Variants in XPO4 observed in about 807,000 individuals in gnomAD.
XPO4 encodes exportin 4.
In XPO4, 39 loss-of-function variants were observed where a neutral mutation model predicts 143.0. The observed-to-expected ratio is 0.27, with a 90% CI of 0.21 to 0.36. The LOEUF (loss-of-function observed/expected upper bound fraction) is 0.36. Ranked by LOEUF, XPO4 falls within the 10% of genes least tolerant of loss-of-function variation. The pLI is 1.00. For missense variants in XPO4, 907 were observed against 1,348.0 expected (o/e 0.67, Z 5.12); for synonymous variants, 439 against 474.0 (o/e 0.93, Z 0.96).
chr13:20,866,489 G>T, intron 2 of XPO4: 1 of 624,172 alleles, frequency 1.6e-6, no homozygotes, highest in Non-Finnish European at 2.0e-6. Context: ...TCTGAACTGC[G>T]ATTGACTGCC....
Position 20,821,870 on chromosome 13 carries a change from AT to A in XPO4, c.1006del (p.Ile336Ter), listed in dbSNP as rs1194467915. On this transcript the variant is annotated frameshift_variant, in exon 9 of 23. Transcript: ENST00000255305. LOFTEE classifies it high-confidence loss of function. The stretch of plus-strand genomic sequence containing the variant: ...GATCCCCACAGCTTCAGAATCTTCT[AT>A]TTCAATTCTAAAACCAAGGAATGAG... ...GLLNTINGIE[I>X]EDSEAVGISS... 6.2e-7 allele frequency: 1 copy of A among 1,613,016 alleles called. No homozygotes were observed. The highest frequency in any genetic ancestry group is 8.5e-7 in the Non-Finnish European group (1 of 1,179,540).
chr13:20,902,582 C>A, intron 1 of XPO4, 88 bp downstream of exon 1: 2 of 1,406,510 alleles, frequency 1.4e-6, no homozygotes, highest in South Asian at 1.6e-5. Context: ...CCTTGCCAGT[C>A]GCCAGCCCAG....
intron 22 of XPO4, among the ~76,000 whole-genome samples, chr13:20,785,725 C>T (rs1214078286): frequency 1.3e-5 from 2 of 150,352 alleles, no homozygotes; most frequent in Non-Finnish European, 2.9e-5. Context: ...AAGTATCATA[C>T]TGGCCATTCC....
intron 1 of XPO4, among the ~76,000 whole-genome samples, chr13:20,881,690 C>A (rs995776522): frequency 1.3e-5 from 2 of 152,108 alleles, no homozygotes; most frequent in African/African-American, 2.4e-5. Flanking sequence ...GGAGTACACA[C>A]AATCACATAT....
chr13:20,856,751 G>T, intron 3 of XPO4: 1 of 797,422 alleles, frequency 1.3e-6, no homozygotes, highest in Non-Finnish European at 1.5e-6. Flanking sequence ...CCACACACAC[G>T]CACAACTGCA....
chr13:20,855,256 G>C (rs1317366913), intron 4 of XPO4, among the ~76,000 whole-genome samples: 2 of 152,146 alleles, frequency 1.3e-5, no homozygotes, highest in African/African-American at 2.4e-5. Context: ...GGGAGTTTGA[G>C]ACGAGCCTGA....
At chr13:20,837,759 G>T (rs2059932802) in intron 6 of XPO4, among the ~76,000 whole-genome samples, 1 of 152,206 alleles carries the variant, frequency 6.6e-6, no homozygotes, top group African/African-American at 2.4e-5. Flanking sequence ...ATGGCAGCAG[G>T]CAAAGAGAGA....
chr13:20,788,578 T>C lies in XPO4; in HGVS notation c.2955A>G (p.Thr985=), dbSNP rs771323913. The change falls in exon 20 of 23, where the codon ACA becomes ACG. Residue 985 remains threonine (T), a synonymous_variant. Transcript: ENST00000255305. ...TLCNQYYKLI[T]FICEIFPEKI... is the part of the protein sequence containing the mutation. Reference sequence around the variant, plus strand: ...TTTCAGGAAAAATCTCACAGATAAATGTGATTAATTTGTAGTACTGATTAC... The same window carrying C: ...TTTCAGGAAAAATCTCACAGATAAACGTGATTAATTTGTAGTACTGATTAC... 1 of 1,611,984 alleles carries C rather than the reference T, an allele frequency of 6.2e-7. No individual in the cohort carries two copies. The highest frequency in any genetic ancestry group is 1.7e-5 in the Admixed American group (1 of 59,748).
intron 1 of XPO4, among the ~76,000 whole-genome samples, chr13:20,877,620 A>G (rs2060365396): frequency 6.6e-6 from 1 of 152,202 alleles, no homozygotes; most frequent in Non-Finnish European, 1.5e-5. Flanking sequence ...AACCATTCAT[A>G]TACATATATA....
chr13:20,886,421 G>A (rs556674121), intron 1 of XPO4, among the ~76,000 whole-genome samples: 145 of 152,020 alleles, frequency 9.5e-4, no homozygotes, highest in Admixed American at 4.1e-3. Flanking sequence ...AGACCAGCCT[G>A]GCCAATATGG....
At position 20,865,062 on chromosome 13, in the gene XPO4, G is replaced by A. The variant is rs188814604; in HGVS notation, c.176-2204C>T. On this transcript the variant is annotated intron_variant, in intron 2 of 22. Coordinates refer to ENST00000255305, the MANE Select transcript of XPO4 (RefSeq NM_022459.5). ...AAATTAGAACTTCACAAATACATATGAGCTTTACTTTCGCTCTCTGTTACA... is the reference window on the plus strand; with the variant it reads ...AAATTAGAACTTCACAAATACATATAAGCTTTACTTTCGCTCTCTGTTACA... Among the ~76,000 whole-genome samples the A allele has an allele frequency of 3.0e-3, 452 of 152,028 alleles. 2 individuals carry two copies. Among genetic ancestry groups the A allele is most frequent in the South Asian group, 5.2e-3 (25 of 4,812 alleles).
rs540285081 is a variant in XPO4, at chr13:20,899,346, T to TAA, written c.69+3322_69+3323dup. Among the ~76,000 whole-genome samples the TAA allele has an allele frequency of 5.7e-4, 67 of 116,692 alleles. No homozygotes were observed. In the South Asian group the frequency reaches 7.6e-3, roughly 13 times the overall value. 76.6% of individuals were successfully genotyped at this position (116,692 alleles called of 152,430 possible). Reference sequence around the variant, plus strand: ...AACCAACATGGTTGAGTAAAAAAAGTAAAAAAAAAAAAAAAAGAGTAAAGG... The same window carrying TAA: ...AACCAACATGGTTGAGTAAAAAAAGTAAAAAAAAAAAAAAAAAAGAGTAAAGG... On this transcript the variant is annotated intron_variant, in intron 1 of 22. Transcript: ENST00000255305.
rs117854012 is a variant in XPO4 at position 20,802,397 on chromosome 13, G to A, written c.1818-1407C>T. Among the ~76,000 whole-genome samples, 1,176 of 152,170 alleles carry A rather than the reference G, an allele frequency of 7.7e-3. 3 individuals are homozygous for A. The highest frequency in any genetic ancestry group is 0.012 in the Non-Finnish European group (789 of 68,000). ...CACACTTCCTATACCACCAGTGCTC[G>A]TTTGAGTTTTTTAAAAAAATTTTTT... On this transcript the variant is annotated intron_variant, in intron 13 of 22. Transcript: ENST00000255305.
chr13:20,895,923 T>A (rs951887417), intron 1 of XPO4, among the ~76,000 whole-genome samples: 1 of 152,172 alleles, frequency 6.6e-6, no homozygotes. Context: ...GTTTCAATCT[T>A]CACTACAGCA....
Position 20,868,763 on chromosome 13 carries a change from T to C in XPO4, c.70-62A>G, listed in dbSNP as rs928332408. On this transcript the variant is annotated intron_variant, in intron 1 of 22. Transcript: ENST00000255305. ...AATGACAAAGCTTAAATAATATCAA[T>C]ATTTTTACCCACAAGAACAGAAAAT... is the stretch of plus-strand genomic sequence containing the variant. 6.7e-6 allele frequency: 10 copies of C among 1,483,292 alleles called. No homozygotes were observed. In the African/African-American group the frequency reaches 9.9e-5, roughly 15 times the overall value. 91.9% of individuals were successfully genotyped at this position (1,483,292 alleles called of 1,614,324 possible). A position where few individuals can be genotyped will look rare whatever the true frequency, so the allele number is the denominator to read the frequency against.
chr13:20,850,340 G>C, intron 4 of XPO4: 1 of 903,772 alleles, frequency 1.1e-6, no homozygotes, highest in Non-Finnish European at 1.3e-6. Context: ...GCCTAGAGAA[G>C]TTAATTTAAG....
At chr13:20,853,442 G>A (rs549432866) in intron 4 of XPO4, among the ~76,000 whole-genome samples, 58 of 152,014 alleles carry the variant, frequency 3.8e-4, no homozygotes, top group Non-Finnish European at 6.2e-4. Flanking sequence ...CTGAGCCCAG[G>A]AGACTGAGGC....
At chr13:20,901,641 G>A (rs1308188391) in intron 1 of XPO4, among the ~76,000 whole-genome samples, 1 of 152,106 alleles carries the variant, frequency 6.6e-6, no homozygotes, top group African/African-American at 2.4e-5. Context: ...AAAATATCTG[G>A]TGTAAAATAT....
At chr13:20,852,303 A>T in intron 4 of XPO4, 1 of 985,484 alleles carries the variant, frequency 1.0e-6, no homozygotes, top group Non-Finnish European at 1.2e-6. Context: ...GAAATCTAAA[A>T]TATGAAGTGC....
Sources: allele counts gnomAD v4.1 joint callset (sites outside exome capture counted in the v4.1 genomes callset), GRCh38; gene constraint gnomAD v4.1.1; transcripts MANE v1.5; gene names NCBI Gene and HGNC (gene_info 2026-07-23, HGNC 2026-07-21).